The following PIEZO2 variants were observed in gnomAD, a reference collection of about 807,000 sequenced individuals.
PIEZO2 encodes piezo-type mechanosensitive ion channel component 2.
A neutral mutation model predicts 337.3 loss-of-function variants in PIEZO2; 172 were observed. That is an observed-to-expected ratio of 0.51 (90% CI 0.45 to 0.58). The LOEUF (loss-of-function observed/expected upper bound fraction) is 0.58. Ranked by LOEUF, PIEZO2 falls within the 20% of genes least tolerant of loss-of-function variation. PIEZO2 has a pLI of 0.00. For synonymous variants in PIEZO2, 1,251 were observed against 1,228.5 expected, an observed-to-expected ratio of 1.02 and a Z score of -0.38; for missense variants, 3,028 against 3,391.3, an observed-to-expected ratio of 0.89 and a Z score of 2.66.
Position 10,773,586 on chromosome 18 carries a change from G to T in PIEZO2, c.2611C>A (p.His871Asn). ...EGSLPDLTMM[H>N]LTASLEKPEV... ...GGCTTCTCCAGGCTGGCAGTCAGAT[G>T]CATCATGGTGAGGTCCGGGAGGCTT... The change falls in exon 20 of 56, where the codon CAT becomes AAT. Residue 871 changes from histidine to asparagine, a missense_variant. Physicochemically the swap from His to Asn is moderately conservative, Grantham distance 68. Around this residue, in one of 5 missense-constraint regions of PIEZO2, gnomAD observed 1,925 missense variants for 2,051.9 expected, o/e 0.94. Transcript: ENST00000674853. This position sits in a 1 kb window ranked among gnomAD's most constrained non-coding sequence, Gnocchi z 5.3. 1 of 1,537,354 alleles carries T rather than the reference G, an allele frequency of 6.5e-7. No homozygotes were observed. Among genetic ancestry groups the T allele is most frequent in the Non-Finnish European group, 8.7e-7 (1 of 1,146,954 alleles).
At position 11,105,433 on chromosome 18, in the gene PIEZO2, C is replaced by T. The variant is rs188553485; in HGVS notation, c.65-39211G>A. Among the ~76,000 whole-genome samples, 4 of 152,158 alleles carry T rather than the reference C, an allele frequency of 2.6e-5. No individual in the cohort carries two copies. Among genetic ancestry groups the T allele is most frequent in the Admixed American group, 1.3e-4 (2 of 15,276 alleles). On this transcript the variant is annotated intron_variant, in intron 1 of 55. Coordinates refer to ENST00000674853, the MANE Select transcript of PIEZO2 (RefSeq NM_001378183.1). The surrounding 1 kb of genome is among the most constrained non-coding windows in gnomAD (Gnocchi z 4.3). ...ATAGCTCAGAAACGCATTCCAGCAC[C>T]TCACATCTTCATCCTCACGACACAC...
intron 37 of PIEZO2, 26 bp downstream of exon 37, chr18:10,718,174 G>T: frequency 6.6e-7 from 1 of 1,523,512 alleles, no homozygotes; most frequent in East Asian, 2.4e-5. Flanking sequence ...AGTTCCCACA[G>T]CTCATATTTG....
rs989067462 is a variant in PIEZO2 at position 10,707,172 on chromosome 18, G to T, written c.5588+1103C>A. Among the ~76,000 whole-genome samples, 1 of 152,034 alleles carries T rather than the reference G, an allele frequency of 6.6e-6. No homozygotes were observed. Among genetic ancestry groups the T allele is most frequent in the African/African-American group, 2.4e-5 (1 of 41,384 alleles). On this transcript the variant is annotated intron_variant, in intron 40 of 55. Coordinates refer to ENST00000674853, the MANE Select transcript of PIEZO2 (RefSeq NM_001378183.1). This position sits in a 1 kb window ranked among gnomAD's most constrained non-coding sequence, Gnocchi z 4.2. ...CCTCAATTAGATATACTTCCTAGGA[G>T]GGCCATGCCATTGACCCATTGCCCA...
chr18:11,039,776 A>ACACAC (rs33931942), intron 2 of PIEZO2, among the ~76,000 whole-genome samples: 3 of 96,940 alleles, frequency 3.1e-5, no homozygotes, highest in Non-Finnish European at 6.4e-5. Flanking sequence ...ACACACACAC[A>ACACAC]AAATTTCTTC....
Position 11,132,891 on chromosome 18 carries a change from T to C in PIEZO2, c.64+15634A>G, listed in dbSNP as rs2040380206. Among the ~76,000 whole-genome samples the C allele has an allele frequency of 6.6e-6, 1 of 152,028 alleles. No homozygotes were observed. Among genetic ancestry groups the C allele is most frequent in the South Asian group, 2.1e-4 (1 of 4,830 alleles). Reference sequence around the variant, plus strand: ...GTATTACCATGCTCTGTGATTAAGGTCAATGGGAAACTACAACAGCCCAAA... The same window carrying C: ...GTATTACCATGCTCTGTGATTAAGGCCAATGGGAAACTACAACAGCCCAAA... On this transcript the variant is annotated intron_variant, in intron 1 of 55. Transcript: ENST00000674853. This position sits in a 1 kb window ranked among gnomAD's most constrained non-coding sequence, Gnocchi z 4.7.
chr18:11,136,981 G>T (rs1332816893), intron 1 of PIEZO2, among the ~76,000 whole-genome samples: 5 of 152,102 alleles, frequency 3.3e-5, no homozygotes, highest in Non-Finnish European at 7.4e-5. Flanking sequence ...TTCTTTAAAG[G>T]CATGTCTAGT....
At chr18:11,135,576 CT>C (rs1882383655) in intron 1 of PIEZO2, among the ~76,000 whole-genome samples, 1 of 152,174 alleles carries the variant, frequency 6.6e-6, no homozygotes, top group Non-Finnish European at 1.5e-5. Flanking sequence ...TAGATGGAGT[CT>C]AGCTCTGTTG....
At chr18:10,915,867 G>A (rs889341708) in intron 3 of PIEZO2, among the ~76,000 whole-genome samples, 1 of 152,070 alleles carries the variant, frequency 6.6e-6, no homozygotes, top group African/African-American at 2.4e-5. Context: ...CTTAAAGGTG[G>A]AGTTTCTAGA....
chr18:10,793,387 C>T (rs2039475681), intron 13 of PIEZO2, among the ~76,000 whole-genome samples: 1 of 152,138 alleles, frequency 6.6e-6, no homozygotes, highest in African/African-American at 2.4e-5. Flanking sequence ...AATATAAGTG[C>T]AGAACCTAGG....
intron 7 of PIEZO2, among the ~76,000 whole-genome samples, chr18:10,808,385 C>A (rs1471052681): frequency 1.2e-5 from 1 of 80,326 alleles, no homozygotes; most frequent in Non-Finnish European, 2.6e-5. Context: ...AACAATTGCA[C>A]CCAGCCTGTT....
At chr18:10,805,200 T>C (rs796140503) in intron 8 of PIEZO2, among the ~76,000 whole-genome samples, 13 of 152,194 alleles carry the variant, frequency 8.5e-5, no homozygotes, top group African/African-American at 3.1e-4. Flanking sequence ...TAAAGTAATT[T>C]CCATAATGTA....
intron 3 of PIEZO2, among the ~76,000 whole-genome samples, chr18:10,972,734 G>A (rs1032607419): frequency 6.6e-6 from 1 of 152,148 alleles, no homozygotes. Context: ...GTGACTGTGC[G>A]TAATTTGGAG....
chr18:10,699,245 C>G lies in PIEZO2; in HGVS notation c.6442-68G>C. 2.0e-6 allele frequency: 3 copies of G among 1,517,202 alleles called. No homozygotes were observed. In the South Asian group the frequency reaches 3.6e-5, roughly 18 times the overall value. 94.0% of individuals were successfully genotyped at this position (1,517,202 alleles called of 1,614,324 possible). On this transcript the variant is annotated intron_variant, in intron 43 of 55. Transcript: ENST00000674853. ...GTGGAACCCTTGGTATTCTGTCTTA[C>G]AAAATCTCATCCAACAAACTGTCCT...
rs912255452 is a variant in PIEZO2 at position 10,862,339 on chromosome 18, C to T, written c.493-5128G>A. ...ATTTCACATAAGGAAACTTTAGGTG[C>T]TATGGAATCAACTTTACACAAGGCC... On this transcript the variant is annotated intron_variant, in intron 5 of 55. Transcript: ENST00000674853. This position sits in a 1 kb window ranked among gnomAD's most constrained non-coding sequence, Gnocchi z 4.4. Among the ~76,000 whole-genome samples the T allele has an allele frequency of 2.6e-5, 4 of 152,108 alleles. No individual in the cohort carries two copies. The highest frequency in any genetic ancestry group is 9.7e-5 in the African/African-American group (4 of 41,426).
intron 3 of PIEZO2, among the ~76,000 whole-genome samples, chr18:10,932,333 C>T (rs1468798476): frequency 1.3e-5 from 2 of 152,038 alleles, no homozygotes; most frequent in Admixed American, 1.3e-4. Flanking sequence ...GAAGTCGAGC[C>T]AGCAGTGAGC....
chr18:10,829,783 G>A (rs1302598953), intron 7 of PIEZO2, among the ~76,000 whole-genome samples: 2 of 151,904 alleles, frequency 1.3e-5, no homozygotes, highest in African/African-American at 2.4e-5. Flanking sequence ...AAACATTGAT[G>A]GAAAAAATTG....
Position 10,705,447 on chromosome 18 carries a change from C to T in PIEZO2, c.5888G>A (p.Gly1963Asp), listed in dbSNP as rs1314033667. 2 of 1,537,228 alleles carry T rather than the reference C, an allele frequency of 1.3e-6. No homozygotes were observed. The highest frequency in any genetic ancestry group is 1.7e-6 in the Non-Finnish European group (2 of 1,146,904). The change falls in exon 41 of 56, where the codon GGC becomes GAC. Residue 1963 changes from glycine (G) to aspartate (D), a missense_variant. Physicochemically the swap from Gly to Asp is moderately conservative, Grantham distance 94. Coordinates refer to ENST00000674853, the MANE Select transcript of PIEZO2 (RefSeq NM_001378183.1). The stretch of plus-strand genomic sequence containing the variant: ...CGGGCTGACTGCCATACGGTTCTTG[C>T]CTGCAGAGTCGTCCTGCGAGCCGAA... ...LSFGSQDDSA[G>D]KNRMAVSPDD...
chr18:11,143,321 T>G lies in PIEZO2; in HGVS notation c.64+5204A>C, dbSNP rs2040709944. Among the ~76,000 whole-genome samples, 1 of 152,200 alleles carries G rather than the reference T, an allele frequency of 6.6e-6. No individual in the cohort carries two copies. Among genetic ancestry groups the G allele is most frequent in the Non-Finnish European group, 1.5e-5 (1 of 68,034 alleles). On this transcript the variant is annotated intron_variant, in intron 1 of 55. Transcript: ENST00000674853. This position sits in a 1 kb window ranked among gnomAD's most constrained non-coding sequence, Gnocchi z 4.9. ...CTGAATATTTATGCAAAAAAGCATATTATACACATCATTACTACATAACTT... is the reference window on the plus strand; with the variant it reads ...CTGAATATTTATGCAAAAAAGCATAGTATACACATCATTACTACATAACTT...
At position 11,078,866 on chromosome 18, in the gene PIEZO2, G is replaced by A. The variant is rs1386482144; in HGVS notation, c.65-12644C>T. Among the ~76,000 whole-genome samples the A allele has an allele frequency of 6.6e-6, 1 of 152,210 alleles. No individual in the cohort carries two copies. Among genetic ancestry groups the A allele is most frequent in the Non-Finnish European group, 1.5e-5 (1 of 68,034 alleles). On this transcript the variant is annotated intron_variant, in intron 1 of 55. Coordinates refer to ENST00000674853, the MANE Select transcript of PIEZO2 (RefSeq NM_001378183.1). The surrounding 1 kb of genome is among the most constrained non-coding windows in gnomAD (Gnocchi z 5.3). ...CAGAGTCTGTGTTACTGAGAATGGA[G>A]AGGGGTGAAAAAGAATCCTTGCAGG...
Sources: gnomAD v4.1 joint callset for allele counts (sites outside exome capture counted in the v4.1 genomes callset) on GRCh38, gnomAD v4.1.1 for gene constraint, gnomAD v4.1.1 regional missense constraint, Gnocchi (gnomAD v3.1) non-coding constraint, MANE v1.5 for transcripts, NCBI Gene and HGNC (gene_info 2026-07-23, HGNC 2026-07-21) for gene names.